GALNT13: variants seen among roughly 807,000 people sequenced by gnomAD.
The protein encoded by GALNT13 is UDP-GalNAc:polypeptide N-acetylgalactosaminyltransferase 13.
In GALNT13, 28 loss-of-function variants were observed where a neutral mutation model predicts 64.2. That is an observed-to-expected ratio of 0.44 (90% CI 0.32 to 0.60). GALNT13 has a LOEUF of 0.60. GALNT13 is among the 20% of genes least tolerant of loss of function. The pLI is 0.05. For missense variants in GALNT13, 577 were observed against 669.8 expected, an observed-to-expected ratio of 0.86 and a Z score of 1.53; for synonymous variants, 214 against 224.6, an observed-to-expected ratio of 0.95 and a Z score of 0.42.
chr2:153,351,999 G>A, the GALNT13 span, among the ~76,000 whole-genome samples: 2 of 152,104 alleles, frequency 1.3e-5, no homozygotes, highest in Non-Finnish European at 2.9e-5. Flanking sequence ...TGCATCATAT[G>A]ATAAGAGTAT....
the GALNT13 span, among the ~76,000 whole-genome samples, chr2:153,765,144 G>A: frequency 6.6e-6 from 1 of 152,236 alleles, no homozygotes; most frequent in Non-Finnish European, 1.5e-5. Flanking sequence ...TTGGTGCACT[G>A]CCTAGTGGAG....
chr2:153,256,547 T>G, the GALNT13 span, among the ~76,000 whole-genome samples: 5 of 152,186 alleles, frequency 3.3e-5, no homozygotes, highest in East Asian at 1.9e-4. Context: ...GGCGCTCTGC[T>G]TTTTAGAGTT....
intron 3 of GALNT13, among the ~76,000 whole-genome samples, chr2:153,998,081 G>T (rs911345169): frequency 3.9e-5 from 6 of 151,988 alleles, no homozygotes; most frequent in African/African-American, 9.7e-5. Context: ...CTTTGCTATT[G>T]TGAACAGTGT....
At chr2:153,670,049 T>G in the GALNT13 span, among the ~76,000 whole-genome samples, 1 of 152,184 alleles carries the variant, frequency 6.6e-6, no homozygotes, top group Admixed American at 6.5e-5. Context: ...ATACTCAAAC[T>G]GGGCAGAGCC....
At chr2:153,315,421 C>T in the GALNT13 span, among the ~76,000 whole-genome samples, 1 of 152,222 alleles carries the variant, frequency 6.6e-6, no homozygotes, top group Non-Finnish European at 1.5e-5. Context: ...GCCCCACTTT[C>T]TAATACCAGC....
At chr2:154,006,913 TC>T (rs1696291302) in intron 3 of GALNT13, among the ~76,000 whole-genome samples, 1 of 152,134 alleles carries the variant, frequency 6.6e-6, no homozygotes, top group Non-Finnish European at 1.5e-5. Context: ...TTTTTGTCAT[TC>T]CCTCCCTTTG....
intron 9 of GALNT13, among the ~76,000 whole-genome samples, chr2:154,337,333 T>C (rs1695510178): frequency 6.6e-6 from 1 of 152,116 alleles, no homozygotes; most frequent in African/African-American, 2.4e-5. Context: ...AATTGCTTTA[T>C]TGGTAAATTA....
chr2:153,730,252 C>A, the GALNT13 span, among the ~76,000 whole-genome samples: 1 of 151,890 alleles, frequency 6.6e-6, no homozygotes, highest in Non-Finnish European at 1.5e-5. Flanking sequence ...ATACATAGAT[C>A]AATTGCAGAG....
intron 9 of GALNT13, among the ~76,000 whole-genome samples, chr2:154,382,520 G>A (rs1332035869): frequency 1.3e-5 from 2 of 152,020 alleles, no homozygotes; most frequent in African/African-American, 2.4e-5. Context: ...GATAAATACT[G>A]CATGGGAAAC....
chr2:153,726,130 T>C, the GALNT13 span, among the ~76,000 whole-genome samples: 2 of 152,182 alleles, frequency 1.3e-5, no homozygotes, highest in African/African-American at 2.4e-5. Flanking sequence ...TATAGTCCTT[T>C]CTAGAGGTAC....
the GALNT13 span, among the ~76,000 whole-genome samples, chr2:153,546,982 A>G: frequency 2.0e-5 from 3 of 152,152 alleles, no homozygotes; most frequent in Non-Finnish European, 2.9e-5. Context: ...TCTGAGTTCT[A>G]TTTATAAAGC....
chr2:153,986,063 G>A (rs1433135916), intron 3 of GALNT13, among the ~76,000 whole-genome samples: 3 of 152,022 alleles, frequency 2.0e-5, no homozygotes, highest in Non-Finnish European at 2.9e-5. Context: ...GATGAGGTAC[G>A]GAAATATCGG....
the GALNT13 span, among the ~76,000 whole-genome samples, chr2:153,481,045 G>C: frequency 6.6e-6 from 1 of 152,034 alleles, no homozygotes. Flanking sequence ...CAAATCTTTG[G>C]GTGGGATCTT....
chr2:154,353,334 G>A lies in GALNT13; in HGVS notation c.1157-42657G>A, dbSNP rs573957292. Among the ~76,000 whole-genome samples, 5 of 152,246 alleles carry A rather than the reference G, an allele frequency of 3.3e-5. No homozygotes were observed. The South Asian group carries it at 1.0e-3, about 32-fold the overall frequency. Reference sequence around the variant, plus strand: ...TGGGGTATAACTGAGGTTTACATATGAAGTTATGGGATACATATAGATAGT... The same window carrying A: ...TGGGGTATAACTGAGGTTTACATATAAAGTTATGGGATACATATAGATAGT... On this transcript the variant is annotated intron_variant, in intron 9 of 12. Coordinates refer to ENST00000392825, the MANE Select transcript of GALNT13 (RefSeq NM_052917.4).
At position 154,060,095 on chromosome 2, in the gene GALNT13, C is replaced by T. The variant is rs570482668; in HGVS notation, c.143-80242C>T. ...ACAAGAGGAAGAAAAACCAGAGCTC[C>T]CTTGCTGCCCTCCACCTATATGAGT... On this transcript the variant is annotated intron_variant, in intron 3 of 12. Transcript: ENST00000392825. Among the ~76,000 whole-genome samples, 3 of 152,276 alleles carry T rather than the reference C, an allele frequency of 2.0e-5. No individual in the cohort carries two copies. The East Asian group carries it at 5.8e-4, about 29-fold the overall frequency.
chr2:153,611,556 T>C, the GALNT13 span, among the ~76,000 whole-genome samples: 1 of 152,018 alleles, frequency 6.6e-6, no homozygotes, highest in African/African-American at 2.4e-5. Context: ...AGACGGGGTT[T>C]CACCGTGTTG....
the GALNT13 span, among the ~76,000 whole-genome samples, chr2:153,864,301 C>T: frequency 6.6e-6 from 1 of 151,886 alleles, no homozygotes; most frequent in African/African-American, 2.4e-5. Flanking sequence ...ATCAAGAATT[C>T]AAAACATGGA....
the GALNT13 span, among the ~76,000 whole-genome samples, chr2:153,170,343 G>A: frequency 2.0e-5 from 3 of 151,738 alleles, no homozygotes; most frequent in Admixed American, 6.6e-5. Context: ...TCCAAAGAAA[G>A]CCACATCTTG....
chr2:154,099,675 T>C (rs1574497035), intron 3 of GALNT13, among the ~76,000 whole-genome samples: 1 of 152,056 alleles, frequency 6.6e-6, no homozygotes, highest in Non-Finnish European at 1.5e-5. Context: ...CGGAGGCTCA[T>C]ACCTGTAATA....
Sources: allele counts gnomAD v4.1 joint callset (sites outside exome capture counted in the v4.1 genomes callset), GRCh38; gene constraint gnomAD v4.1.1; transcripts MANE v1.5; gene names NCBI Gene and HGNC (gene_info 2026-07-23, HGNC 2026-07-21).